BACE2: variants seen among roughly 807,000 people sequenced by gnomAD.
BACE2 encodes beta-secretase 2.
A neutral mutation model predicts 46.2 loss-of-function variants in BACE2; 17 were observed. That is an observed-to-expected ratio of 0.37 (90% CI 0.25 to 0.55). BACE2 has a LOEUF of 0.55. BACE2 is among the 20% of genes least tolerant of loss of function. BACE2 has a pLI of 0.82. For missense variants in BACE2, 595 were observed against 698.1 expected, an observed-to-expected ratio of 0.85 and a Z score of 1.66; for synonymous variants, 277 against 295.9, an observed-to-expected ratio of 0.94 and a Z score of 0.66.
rs182585781 is a variant in BACE2 at position 41,258,380 on chromosome 21, G to A, written c.1303+1054G>A. Among the ~76,000 whole-genome samples the A allele has an allele frequency of 1.4e-3, 213 of 152,348 alleles. 1 individual carries two copies. The highest frequency in any genetic ancestry group is 2.6e-3 in the Non-Finnish European group (174 of 68,026). On this transcript the variant is annotated intron_variant, in intron 8 of 8. Transcript: ENST00000330333. ...GATATGAGACGCTGTTGGAGGACAG[G>A]TGAGATTGCTGGGCCATCCTGGAAG...
chr21:41,173,374 G>A (rs571267112), intron 1 of BACE2, among the ~76,000 whole-genome samples: 3 of 152,346 alleles, frequency 2.0e-5, no homozygotes, highest in African/African-American at 7.2e-5. Context: ...GTGGGAGAAG[G>A]AAGAGAGGAG....
Position 41,245,973 on chromosome 21 carries a change from C to G in BACE2, c.894C>G (p.Asp298Glu), listed in dbSNP as rs1987457049. 3.1e-6 allele frequency: 5 copies of G among 1,609,384 alleles called. No individual in the cohort carries two copies. Among genetic ancestry groups the G allele is most frequent in the Non-Finnish European group, 4.2e-6 (5 of 1,177,792 alleles). ...TCTCCCGGTTCAAGTATAACGCAGA[C>G]AAGGCCATCGTGGACAGTGGCACCA... ...LNLDCREYNA[D>E]KAIVDSGTTL... Residue 298 changes from aspartate (D) to glutamate (E), a missense_variant, in exon 6 of 9, where the codon GAC becomes GAG. Physicochemically the swap from Asp to Glu is conservative, Grantham distance 45. Transcript: ENST00000330333.
chr21:41,251,523 G>C (rs1987638688), intron 7 of BACE2, among the ~76,000 whole-genome samples: 1 of 152,236 alleles, frequency 6.6e-6, no homozygotes, highest in Non-Finnish European at 1.5e-5. Context: ...AAAGTGGGCT[G>C]GGTGCGGTGG....
intron 1 of BACE2, chr21:41,181,878 A>G (rs931642527): frequency 1.8e-5 from 3 of 167,028 alleles, no homozygotes; most frequent in Non-Finnish European, 4.4e-5. Context: ...AGATGATTCT[A>G]TGATGCTATA....
intron 8 of BACE2, among the ~76,000 whole-genome samples, chr21:41,267,446 C>T (rs1281907045): frequency 6.6e-6 from 1 of 152,170 alleles, no homozygotes; most frequent in Non-Finnish European, 1.5e-5. Context: ...TATGAAATAC[C>T]ACCCATCTCT....
intron 1 of BACE2, among the ~76,000 whole-genome samples, chr21:41,199,214 C>A (rs1473118516): frequency 6.6e-6 from 1 of 152,016 alleles, no homozygotes; most frequent in Non-Finnish European, 1.5e-5. Flanking sequence ...AGGTGCTGCC[C>A]AGCGTCTGCT....
At chr21:41,203,329 G>A (rs377101495) in intron 1 of BACE2, among the ~76,000 whole-genome samples, 11 of 152,240 alleles carry the variant, frequency 7.2e-5, no homozygotes, top group African/African-American at 2.6e-4. Flanking sequence ...TGAAAAAGGA[G>A]GGGTGGGAGA....
At chr21:41,255,863 G>A (rs1455343280) in intron 7 of BACE2, among the ~76,000 whole-genome samples, 2 of 152,314 alleles carry the variant, frequency 1.3e-5, no homozygotes, top group South Asian at 4.1e-4. Context: ...TTCCAGCCTA[G>A]CTCTGGCATA....
intron 1 of BACE2, among the ~76,000 whole-genome samples, chr21:41,225,076 T>C (rs562785448): frequency 6.6e-6 from 1 of 151,872 alleles, no homozygotes; most frequent in Non-Finnish European, 1.5e-5. Context: ...CTACTAAAAT[T>C]ACAAAAAACT....
intron 1 of BACE2, among the ~76,000 whole-genome samples, chr21:41,209,443 C>A (rs1461391021): frequency 1.3e-5 from 2 of 152,176 alleles, no homozygotes; most frequent in Non-Finnish European, 2.9e-5. Flanking sequence ...CTGACACTAC[C>A]TCTGCGGGTT....
intron 8 of BACE2, among the ~76,000 whole-genome samples, chr21:41,267,077 A>G (rs901321884): frequency 6.6e-6 from 1 of 152,092 alleles, no homozygotes; most frequent in East Asian, 1.9e-4. Flanking sequence ...CTCCTGGGAC[A>G]CTTTTTCAAA....
chr21:41,225,059 C>T (rs1986768737), intron 1 of BACE2, among the ~76,000 whole-genome samples: 1 of 152,006 alleles, frequency 6.6e-6, no homozygotes, highest in African/African-American at 2.4e-5. Flanking sequence ...ACGGTGAAAC[C>T]CCGTCTCTAC....
chr21:41,206,420 C>T (rs1388934409), intron 1 of BACE2, among the ~76,000 whole-genome samples: 2 of 152,210 alleles, frequency 1.3e-5, no homozygotes, highest in Admixed American at 1.3e-4. Flanking sequence ...TACAAACAAT[C>T]AGGTCATAAC....
intron 4 of BACE2, among the ~76,000 whole-genome samples, chr21:41,242,467 G>A (rs556788076): frequency 3.7e-4 from 56 of 152,220 alleles, no homozygotes; most frequent in Non-Finnish European, 6.5e-4. Context: ...CCAGGGGCCG[G>A]CACCCAGACG....
At chr21:41,243,965 C>T (rs758930972) in intron 5 of BACE2, among the ~76,000 whole-genome samples, 16 of 152,186 alleles carry the variant, frequency 1.1e-4, no homozygotes, top group Non-Finnish European at 2.1e-4. Flanking sequence ...CCCAATTCTC[C>T]CTAAAAAACG....
intron 2 of BACE2, among the ~76,000 whole-genome samples, chr21:41,229,584 G>A (rs757296432): frequency 1.3e-5 from 2 of 152,160 alleles, no homozygotes; most frequent in African/African-American, 2.4e-5. Flanking sequence ...ACCTTCAAGG[G>A]TAAATAATAC....
At chr21:41,190,314 C>T (rs1314014871) in intron 1 of BACE2, among the ~76,000 whole-genome samples, 3 of 152,120 alleles carry the variant, frequency 2.0e-5, no homozygotes, top group Non-Finnish European at 4.4e-5. Context: ...TTTGTACAAC[C>T]TGAAACACAC....
At chr21:41,168,840 G>A (rs1984480495) in intron 1 of BACE2, among the ~76,000 whole-genome samples, 1 of 152,186 alleles carries the variant, frequency 6.6e-6, no homozygotes, top group Non-Finnish European at 1.5e-5. Flanking sequence ...CCGCGGGGCT[G>A]GGCGGGAGAG....
intron 1 of BACE2, among the ~76,000 whole-genome samples, chr21:41,223,433 C>A (rs1363648575): frequency 6.6e-6 from 1 of 152,056 alleles, no homozygotes; most frequent in Non-Finnish European, 1.5e-5. Flanking sequence ...TTGGTGGGGC[C>A]ATGCATCCTC....
Sources: allele counts gnomAD v4.1 joint callset (sites outside exome capture counted in the v4.1 genomes callset), GRCh38; gene constraint gnomAD v4.1.1; transcripts MANE v1.5; gene names NCBI Gene and HGNC (gene_info 2026-07-23, HGNC 2026-07-21).